The following IL1RAPL2 variants were observed in gnomAD, a reference collection of about 807,000 sequenced individuals.
The protein encoded by IL1RAPL2 is X-linked interleukin-1 receptor accessory protein-like 2.
A neutral mutation model predicts 44.1 loss-of-function variants in IL1RAPL2; 3 were observed. That is an observed-to-expected ratio of 0.07 (90% CI 0.03 to 0.18). IL1RAPL2 has a LOEUF of 0.18. Ranked by LOEUF, IL1RAPL2 falls within the 10% of genes least tolerant of loss-of-function variation. IL1RAPL2 has a pLI of 1.00. For synonymous variants in IL1RAPL2, 181 were observed against 178.8 expected (o/e 1.01, Z -0.10); for missense variants, 391 against 496.4 (o/e 0.79, Z 2.02).
At chrX:105,722,710 A>G (rs1231226010) in intron 7 of IL1RAPL2, among the ~76,000 whole-genome samples, 1 of 111,673 alleles carries the variant, frequency 9.0e-6, no homozygotes. Context: ...CTCTGTCTGT[A>G]CAGGACATTG....
chrX:104,910,163 C>T (rs1397709332), intron 2 of IL1RAPL2, among the ~76,000 whole-genome samples: 1 of 112,474 alleles, frequency 8.9e-6, no homozygotes, highest in African/African-American at 3.2e-5. Flanking sequence ...AGGGAACTCC[C>T]TGACCCCTTG....
chrX:105,220,031 T>C, intron 3 of IL1RAPL2: 1 of 1,211,248 alleles, frequency 8.3e-7, no homozygotes, highest in African/African-American at 1.7e-5. Context: ...GCCGCCTCCT[T>C]GCGTTCCGTC....
intron 5 of IL1RAPL2, among the ~76,000 whole-genome samples, chrX:105,346,641 G>T (rs1410552558): frequency 9.0e-6 from 1 of 111,490 alleles, no homozygotes; most frequent in East Asian, 2.8e-4. Flanking sequence ...TGTAATACAG[G>T]TTTGCGGGGA....
chrX:104,992,709 AAT>A (rs2030684698), intron 2 of IL1RAPL2, among the ~76,000 whole-genome samples: 1 of 110,639 alleles, frequency 9.0e-6, no homozygotes, highest in Admixed American at 9.6e-5. Flanking sequence ...CTATCTACTG[AAT>A]ATGAGTGTTT....
chrX:104,584,547 T>A (rs1298733547), intron 1 of IL1RAPL2, among the ~76,000 whole-genome samples: 1 of 110,457 alleles, frequency 9.1e-6, no homozygotes, highest in Non-Finnish European at 1.9e-5. Flanking sequence ...GTAACAAGTA[T>A]AAGGCTTAAG....
intron 1 of IL1RAPL2, among the ~76,000 whole-genome samples, chrX:104,613,000 A>G (rs755251505): frequency 9.0e-6 from 1 of 111,558 alleles, no homozygotes; most frequent in East Asian, 2.8e-4. Context: ...TAGAAATGCT[A>G]CTTATTTTTG....
intron 6 of IL1RAPL2, among the ~76,000 whole-genome samples, chrX:105,618,121 T>TCA (rs746820303): frequency 0.047 from 4,779 of 100,930 alleles, 264 homozygotes; most frequent in African/African-American, 0.15. Flanking sequence ...TCTCTCTCAC[T>TCA]CACACACACA....
intron 2 of IL1RAPL2, among the ~76,000 whole-genome samples, chrX:104,787,973 G>T (rs959855475): frequency 9.0e-6 from 1 of 111,694 alleles, no homozygotes; most frequent in Non-Finnish European, 1.9e-5. Context: ...GTGGAAAGGA[G>T]GCCTATAAGC....
chrX:105,533,991 CT>C (rs1174145866), intron 6 of IL1RAPL2, among the ~76,000 whole-genome samples: 1 of 112,112 alleles, frequency 8.9e-6, no homozygotes, highest in Non-Finnish European at 1.9e-5. Context: ...TAGATTATGG[CT>C]AACATTTTGT....
chrX:104,986,272 G>A (rs2030558155), intron 2 of IL1RAPL2, among the ~76,000 whole-genome samples: 1 of 111,934 alleles, frequency 8.9e-6, no homozygotes, highest in Non-Finnish European at 1.9e-5. Flanking sequence ...TTTATACAAT[G>A]AGGGTGACAA....
chrX:105,429,554 CA>C (rs1322282876), intron 5 of IL1RAPL2, among the ~76,000 whole-genome samples: 1 of 112,005 alleles, frequency 8.9e-6, no homozygotes, highest in African/African-American at 3.2e-5. Context: ...TGCACTTTAA[CA>C]AACAAGGCAG....
At chrX:104,723,215 C>T (rs761767549) in intron 2 of IL1RAPL2, among the ~76,000 whole-genome samples, 31 of 111,361 alleles carry the variant, frequency 2.8e-4, no homozygotes, top group Non-Finnish European at 4.9e-4. Context: ...TTGAGTCTTG[C>T]AATGGAGCAT....
chrX:104,833,011 C>T (rs1195311510), intron 2 of IL1RAPL2, among the ~76,000 whole-genome samples: 1 of 111,912 alleles, frequency 8.9e-6, no homozygotes, highest in African/African-American at 3.2e-5. Context: ...AGAAAATATA[C>T]ATCAGATATT....
In IL1RAPL2 at chrX:105,043,298, C is replaced by T. The variant is rs1332118194; in HGVS notation, c.83-152177C>T. On this transcript the variant is annotated intron_variant, in intron 2 of 10. Coordinates refer to ENST00000372582, the MANE Select transcript of IL1RAPL2 (RefSeq NM_017416.2). ...GATATCACGGCAGACTAGCCAGGGG[C>T]TCTGGCTACATCTGACCCTGCTAAA... is the stretch of plus-strand genomic sequence containing the variant. Among the ~76,000 whole-genome samples the T allele has an allele frequency of 7.2e-5, 8 of 110,744 alleles. No homozygotes were observed. The Admixed American group carries it at 7.7e-4, about 11-fold the overall frequency.
intron 2 of IL1RAPL2, among the ~76,000 whole-genome samples, chrX:105,080,232 C>T (rs976426789): frequency 5.4e-5 from 6 of 111,669 alleles, no homozygotes; most frequent in Non-Finnish European, 1.1e-4. Context: ...AAATATATCC[C>T]ATTTGTCTAT....
chrX:104,879,676 T>G (rs956791948), intron 2 of IL1RAPL2, among the ~76,000 whole-genome samples: 2 of 112,083 alleles, frequency 1.8e-5, no homozygotes, highest in Non-Finnish European at 3.8e-5. Flanking sequence ...GTGCAAATTA[T>G]CACAGTAGTT....
intron 2 of IL1RAPL2, among the ~76,000 whole-genome samples, chrX:105,064,945 G>C (rs1238299669): frequency 8.9e-6 from 1 of 111,825 alleles, no homozygotes; most frequent in Non-Finnish European, 1.9e-5. Context: ...ATCAAGATCG[G>C]TTCCCTTTGA....
At chrX:105,605,178 A>G (rs1199724117) in intron 6 of IL1RAPL2, among the ~76,000 whole-genome samples, 2 of 111,391 alleles carry the variant, frequency 1.8e-5, no homozygotes, top group African/African-American at 6.5e-5. Flanking sequence ...TGCAGTTGAC[A>G]TGATCTTATA....
chrX:105,212,831 T>A (rs782585039), intron 3 of IL1RAPL2, among the ~76,000 whole-genome samples: 1 of 111,610 alleles, frequency 9.0e-6, no homozygotes. Flanking sequence ...GATACCCAGG[T>A]GAAAAGGGTC....
Sources: gnomAD v4.1 joint callset for allele counts (sites outside exome capture counted in the v4.1 genomes callset) on GRCh38, gnomAD v4.1.1 for gene constraint, MANE v1.5 for transcripts, NCBI Gene and HGNC (gene_info 2026-07-23, HGNC 2026-07-21) for gene names.